Variants in DES observed in about 807,000 individuals in gnomAD.
DES encodes the protein desmin, also known as cardiomyopathy, dilated 1F (autosomal dominant).
Under a neutral mutation model 55.1 loss-of-function variants are expected in DES, and 34 were observed. The ratio of observed to expected loss-of-function variants is 0.62; its 90% CI spans 0.47 to 0.82. The LOEUF is 0.82. Among genes scored for constraint, DES ranks in the 40% least tolerant of loss-of-function variants. The probability of loss-of-function intolerance (pLI) is 0.00; values close to 1 mark genes in which losing one functional copy is unlikely to be tolerated. For missense variants in DES, 596 were observed against 645.9 expected (o/e 0.92, Z 0.84); for synonymous variants, 259 against 270.8 (o/e 0.96, Z 0.43).
In DES at chr2:219,425,648, T is replaced by C; in HGVS notation, c.1289-15T>C. 3.8e-6 allele frequency: 6 copies of C among 1,561,192 alleles called. No individual in the cohort carries two copies. The highest frequency in any genetic ancestry group is 5.2e-6 in the Non-Finnish European group (6 of 1,152,140). On this transcript the variant is annotated splice_polypyrimidine_tract_variant and intron_variant, in intron 7 of 8. Coordinates refer to ENST00000373960, the MANE Select transcript of DES (RefSeq NM_001927.4). ...GGACTTGGTCAGGCTGAGTGTGCGA[T>C]GGACCCTGTTACAGAAACCAGCCCT...
Position 219,426,050 on chromosome 2 carries a change from G to T in DES, c.*60G>T. ...ACCCCTGTCCTCACTGCTCCCTGAA[G>T]CCAGCCTTCTTCCATCCCAGGACAC... is the stretch of plus-strand genomic sequence containing the variant. On this transcript the variant is annotated 3_prime_UTR_variant, in exon 9 of 9. Transcript: ENST00000373960. The surrounding 1 kb of genome is among the most constrained non-coding windows in gnomAD (Gnocchi z 4.5). 1 of 1,596,092 alleles carries T rather than the reference G, an allele frequency of 6.3e-7. No individual in the cohort carries two copies. Among genetic ancestry groups the T allele is most frequent in the East Asian group, 2.2e-5 (1 of 44,684 alleles).
Position 219,425,755 on chromosome 2 carries a change from C to A in DES, c.1371+10C>A. 1 of 1,605,948 alleles carries A rather than the reference C, an allele frequency of 6.2e-7. No homozygotes were observed. The highest frequency in any genetic ancestry group is 8.5e-7 in the Non-Finnish European group (1 of 1,176,180). ...GACACGGGATGGGGAGGTAAGTGGT[C>A]TGTCTGGGCTCCTTACCCTTGGTGG... On this transcript the variant is annotated intron_variant, in intron 8 of 8. Transcript: ENST00000373960.
chr2:219,421,053 T>C, intron 5 of DES, 100 bp downstream of exon 5: 1 of 1,489,586 alleles, frequency 6.7e-7, no homozygotes. Context: ...CTCTGGGCCT[T>C]CATCTACTTA....
At position 219,418,672 on chromosome 2, in the gene DES, G is replaced by C. The variant is rs761255472; in HGVS notation, c.210G>C (p.Arg70=). The C allele has an allele frequency of 5.1e-6, 8 of 1,580,468 alleles. No individual in the cohort carries two copies. The highest frequency in any genetic ancestry group is 6.9e-6 in the Non-Finnish European group (8 of 1,163,728). ...GGGCCGGGGGCCTGGGGTCGCTGCG[G>C]GCCAGCCGGCTGGGGACCACCCGCA... ...SGGAGGLGSL[R]ASRLGTTRTP... The change falls in exon 1 of 9, where the codon CGG becomes CGC. Residue 70 remains arginine (R), a synonymous_variant. Transcript: ENST00000373960.
At chr2:219,425,485 C>T in intron 7 of DES, 178 bp from the exon 8 acceptor site, 1 of 643,446 alleles carries the variant, frequency 1.6e-6, no homozygotes, top group Non-Finnish European at 2.8e-6. Context: ...GCAGAACCAC[C>T]TGCTGGGTGC....
Position 219,420,115 on chromosome 2 carries a change from T to G in DES, c.599T>G (p.Leu200Trp). 6.2e-7 allele frequency: 1 copy of G among 1,614,206 alleles called. No individual in the cohort carries two copies. The highest frequency in any genetic ancestry group is 8.5e-7 in the Non-Finnish European group (1 of 1,180,030). Residue 200 changes from leucine to tryptophan, a missense_variant, in exon 2 of 9, where the codon TTG (leucine) becomes TGG (tryptophan). Transcript: ENST00000373960. This position sits in a 1 kb window ranked among gnomAD's most constrained non-coding sequence, Gnocchi z 6.0. ...CCCAGGCTGCAGGAGGAGATTCAGT[T>G]GAAGGAAGAAGCAGAGAACAATTTG... ...LKAKLQEEIQ[L>W]KEEAENNLAA...
chr2:219,419,848 A>G lies in DES; in HGVS notation c.579-247A>G, dbSNP rs897548937. ...TAAAATAGACACAGTTTCTAACCCC[A>G]GGGAGGTCACACAGTCTGGTGGGGA... On this transcript the variant is annotated intron_variant, in intron 1 of 8. Coordinates refer to ENST00000373960, the MANE Select transcript of DES (RefSeq NM_001927.4). The surrounding 1 kb of genome is among the most constrained non-coding windows in gnomAD (Gnocchi z 4.3). Among the ~76,000 whole-genome samples the G allele has an allele frequency of 1.3e-5, 2 of 152,182 alleles. No homozygotes were observed. The highest frequency in any genetic ancestry group is 1.3e-4 in the Admixed American group (2 of 15,282).
chr2:219,422,085 C>T (rs543355839), intron 6 of DES, among the ~76,000 whole-genome samples: 1 of 152,252 alleles, frequency 6.6e-6, no homozygotes, highest in East Asian at 1.9e-4. Flanking sequence ...TAAGTATTCC[C>T]TTATCCACCT....
chr2:219,422,868 T>C (rs1319943714), intron 6 of DES, among the ~76,000 whole-genome samples: 11 of 152,236 alleles, frequency 7.2e-5, no homozygotes, highest in Non-Finnish European at 1.5e-5. Flanking sequence ...TTTCACTGTA[T>C]GTAAATTTAA....
rs1461193693 is a variant in DES, at chr2:219,418,438, C to A, written c.-25C>A. On this transcript the variant is annotated 5_prime_UTR_variant, in exon 1 of 9. Coordinates refer to ENST00000373960, the MANE Select transcript of DES (RefSeq NM_001927.4). ...CTGCCCGCCGCCTCCTCCGTGCGCC[C>A]GCCAGCCTCGCCCGCGCCGTCACCA... The A allele has an allele frequency of 3.3e-5, 51 of 1,563,096 alleles. No homozygotes were observed. The highest frequency in any genetic ancestry group is 7.0e-5 in the African/African-American group (5 of 71,512).
chr2:219,425,814 AC>A (rs2125172130), intron 8 of DES, 69 bp downstream of exon 8: 1 of 1,594,424 alleles, frequency 6.3e-7, no homozygotes, highest in East Asian at 2.2e-5. Context: ...ACTGTCTTCC[AC>A]CCAGCTGTGC....
intron 6 of DES, among the ~76,000 whole-genome samples, chr2:219,423,035 T>C (rs60181440): frequency 0.016 from 2,432 of 152,298 alleles, 62 homozygotes; most frequent in African/African-American, 0.055. Context: ...CTACATATGA[T>C]GGCCTTTGAA....
At position 219,418,683 on chromosome 2, in the gene DES, T is replaced by A. The variant is rs1164195329; in HGVS notation, c.221T>A (p.Leu74Gln). The change falls in exon 1 of 9, where the codon CTG becomes CAG. Residue 74 changes from leucine (L) to glutamine (Q), a missense_variant. Coordinates refer to ENST00000373960, the MANE Select transcript of DES (RefSeq NM_001927.4). ...GGLGSLRASR[L>Q]GTTRTPSSYG... ...CTGGGGTCGCTGCGGGCCAGCCGGC[T>A]GGGGACCACCCGCACGCCCTCCTCC... 6.3e-7 allele frequency: 1 copy of A among 1,575,218 alleles called. No individual in the cohort carries two copies. The highest frequency in any genetic ancestry group is 2.3e-5 in the East Asian group (1 of 43,090).
At chr2:219,423,629 C>T (rs374217465) in intron 6 of DES, 148 bp from the exon 7 acceptor site, 170 of 709,424 alleles carry the variant, frequency 2.4e-4, no homozygotes, top group Non-Finnish European at 3.2e-4. Flanking sequence ...TTAGTAGAGA[C>T]GGGGTTTCAC....
rs951863520 is a variant in DES, at chr2:219,418,381, C to T, written c.-82C>T. 24 of 1,401,502 alleles carry T rather than the reference C, an allele frequency of 1.7e-5. No homozygotes were observed. Among genetic ancestry groups the T allele is most frequent in the Non-Finnish European group, 2.3e-5 (24 of 1,050,850 alleles). The allele number at this position is 1,401,502 out of a possible 1,614,324, so 86.8% of individuals were successfully genotyped here. A position where few individuals can be genotyped will look rare whatever the true frequency, so the allele number is the denominator to read the frequency against. The stretch of plus-strand genomic sequence containing the variant: ...GTGCCGACGGCTGGGGGCCCTGTCT[C>T]CCCTCGCCGCATCCACTCTCCGGCC... On this transcript the variant is annotated 5_prime_UTR_variant, in exon 1 of 9. Transcript: ENST00000373960.
Position 219,419,937 on chromosome 2 carries a change from G to T in DES, c.579-158G>T. On this transcript the variant is annotated intron_variant, in intron 1 of 8. Transcript: ENST00000373960. This position sits in a 1 kb window ranked among gnomAD's most constrained non-coding sequence, Gnocchi z 4.3. ...GCCACTTCCTGTGCCCTCCCTGGGT[G>T]GGTGGGGCCTCTCCACTCCCTGTCT... The T allele has an allele frequency of 2.7e-6, 2 of 745,810 alleles. No homozygotes were observed. Among genetic ancestry groups the T allele is most frequent in the South Asian group, 3.1e-5 (2 of 65,476 alleles). The allele number at this position is 745,810 out of a possible 1,614,324, so 46.2% of individuals were successfully genotyped here. A position where few individuals can be genotyped will look rare whatever the true frequency, so the allele number is the denominator to read the frequency against.
intron 7 of DES, among the ~76,000 whole-genome samples, chr2:219,424,488 C>T (rs1273941498): frequency 2.0e-5 from 3 of 152,172 alleles, no homozygotes; most frequent in Non-Finnish European, 2.9e-5. Context: ...TTTCTATCTT[C>T]GATGTACATT....
chr2:219,418,742 G>A lies in DES; in HGVS notation c.280G>A (p.Ala94Thr), dbSNP rs1163703259. ...GAGELLDFSL[A>T]DAVNQEFLTT... ...AGGCGAGCTGCTGGACTTCTCACTG[G>A]CCGACGCGGTGAACCAGGAGTTTCT... Residue 94 changes from alanine to threonine, a missense_variant, in exon 1 of 9, where the codon GCC becomes ACC. Coordinates refer to ENST00000373960, the MANE Select transcript of DES (RefSeq NM_001927.4). 2 of 1,561,696 alleles carry A rather than the reference G, an allele frequency of 1.3e-6. No homozygotes were observed. The highest frequency in any genetic ancestry group is 2.4e-5 in the South Asian group (2 of 85,052).
In DES at chr2:219,420,403, G is replaced by A; in HGVS notation, c.735+57G>A. On this transcript the variant is annotated intron_variant, in intron 3 of 8. Transcript: ENST00000373960. The surrounding 1 kb of genome is among the most constrained non-coding windows in gnomAD (Gnocchi z 6.0). The stretch of plus-strand genomic sequence containing the variant: ...GGGCCATGGGGAAAGCAGCCGGAAA[G>A]TGGGGTTGGGGTGAGGCTCTGGCTG... 6.2e-7 allele frequency: 1 copy of A among 1,612,688 alleles called. No homozygotes were observed. The highest frequency in any genetic ancestry group is 8.5e-7 in the Non-Finnish European group (1 of 1,179,354).
Sources: gnomAD v4.1 joint callset for allele counts (sites outside exome capture counted in the v4.1 genomes callset) on GRCh38, gnomAD v4.1.1 for gene constraint, Gnocchi (gnomAD v3.1) non-coding constraint, MANE v1.5 for transcripts, NCBI Gene and HGNC (gene_info 2026-07-23, HGNC 2026-07-21) for gene names.